The following NXPE1 variants were observed in gnomAD, a reference collection of about 807,000 sequenced individuals.
The protein encoded by NXPE1 is neurexophilin and PC-esterase domain family member 1.
A neutral mutation model predicts 33.3 loss-of-function variants in NXPE1; 31 were observed. That is an observed-to-expected ratio of 0.93 (90% CI 0.70 to 1.26). The LOEUF (loss-of-function observed/expected upper bound fraction) is 1.26. Among genes scored for constraint, NXPE1 ranks in the 50% most tolerant of loss-of-function variants. The pLI is 0.00. For missense variants in NXPE1, 661 were observed against 655.6 expected (o/e 1.01, Z -0.09); for synonymous variants, 229 against 231.4 (o/e 0.99, Z 0.09).
At chr11:114,534,769 T>C (rs1947732444) in intron 5 of NXPE1, among the ~76,000 whole-genome samples, 1 of 152,064 alleles carries the variant, frequency 6.6e-6, no homozygotes, top group Non-Finnish European at 1.5e-5. Context: ...ATCCAAGAAA[T>C]ATGGGACTAT....
chr11:114,528,365 T>G (rs2134943933), intron 6 of NXPE1, among the ~76,000 whole-genome samples: 1 of 152,282 alleles, frequency 6.6e-6, no homozygotes, highest in East Asian at 1.9e-4. Flanking sequence ...CTTACATCCC[T>G]TTATTGTCTC....
chr11:114,538,790 G>T (rs1947952076), intron 5 of NXPE1, among the ~76,000 whole-genome samples: 1 of 152,122 alleles, frequency 6.6e-6, no homozygotes, highest in African/African-American at 2.4e-5. Flanking sequence ...AACAACAGGT[G>T]CTGGAGAGGA....
chr11:114,523,727 C>G (rs1947285261), intron 7 of NXPE1, among the ~76,000 whole-genome samples: 1 of 152,122 alleles, frequency 6.6e-6, no homozygotes, highest in African/African-American at 2.4e-5. Context: ...AGGTAGGTAG[C>G]AGTGAAGCAA....
At chr11:114,539,213 C>T (rs1008438057) in intron 5 of NXPE1, among the ~76,000 whole-genome samples, 74 of 146,466 alleles carry the variant, frequency 5.1e-4, no homozygotes, top group African/African-American at 1.6e-3. Flanking sequence ...TGTTCTCACT[C>T]ATAGGTGGGA....
In NXPE1 at chr11:114,524,409, T is replaced by C. The variant is rs144961932; in HGVS notation, c.896-1318A>G. ...CCTATGTCCACAGAATAGTGCATCATTACATGGTTGTATTGTATTTGTAAC... is the reference window on the plus strand; with the variant it reads ...CCTATGTCCACAGAATAGTGCATCACTACATGGTTGTATTGTATTTGTAAC... On this transcript the variant is annotated intron_variant, in intron 7 of 8. Transcript: ENST00000534921. Among the ~76,000 whole-genome samples, 460 of 152,336 alleles carry C rather than the reference T, an allele frequency of 3.0e-3. 1 individual carries two copies. Among genetic ancestry groups the C allele is most frequent in the African/African-American group, 0.011 (438 of 41,584 alleles).
chr11:114,528,827 G>A (rs1464955166), intron 6 of NXPE1: 9 of 678,556 alleles, frequency 1.3e-5, no homozygotes, highest in Non-Finnish European at 2.2e-5. Context: ...CTCTCCAGGT[G>A]CCATCCTGAG....
intron 1 of NXPE1, among the ~76,000 whole-genome samples, chr11:114,553,473 G>A (rs1948571952): frequency 1.3e-5 from 2 of 152,162 alleles, no homozygotes; most frequent in Admixed American, 1.3e-4. Context: ...TTTGAGAGTG[G>A]CCAGAGAGCT....
intron 6 of NXPE1, chr11:114,529,198 G>A (rs529191507): frequency 3.5e-4 from 61 of 175,182 alleles, no homozygotes; most frequent in Admixed American, 5.0e-4. Context: ...ATAAATCTTC[G>A]TGGGGGAAAA....
intron 5 of NXPE1, among the ~76,000 whole-genome samples, chr11:114,548,642 CTA>C (rs1262016844): frequency 6.6e-6 from 1 of 151,816 alleles, no homozygotes; most frequent in African/African-American, 2.4e-5. Flanking sequence ...ATGTTAGAAT[CTA>C]TGAGATACAG....
chr11:114,522,367 A>T (rs776174268), exon 9 of NXPE1: 11 of 1,614,122 alleles, frequency 6.8e-6, no homozygotes, highest in South Asian at 1.1e-5. Context: ...TATAATCATG[A>T]TCTATCAGAG....
chr11:114,523,632 C>T (rs1481694422), intron 7 of NXPE1, among the ~76,000 whole-genome samples: 1 of 152,162 alleles, frequency 6.6e-6, no homozygotes, highest in African/African-American at 2.4e-5. Context: ...CATGCAACAT[C>T]CAATACAAAC....
chr11:114,552,165 A>G (rs1186847566), intron 2 of NXPE1, 80 bp from the exon 3 acceptor site: 1 of 152,316 alleles, frequency 6.6e-6, no homozygotes, highest in Non-Finnish European at 1.5e-5. Context: ...AGATGAAATT[A>G]TTTTAAACAA....
intron 5 of NXPE1, among the ~76,000 whole-genome samples, chr11:114,533,000 T>C (rs566622430): frequency 4.3e-4 from 66 of 152,192 alleles, no homozygotes; most frequent in Non-Finnish European, 8.2e-4. Context: ...ATAGGAAACC[T>C]TAAACATTTT....
chr11:114,546,985 T>C (rs1948304295), intron 5 of NXPE1, among the ~76,000 whole-genome samples: 1 of 152,090 alleles, frequency 6.6e-6, no homozygotes, highest in Non-Finnish European at 1.5e-5. Flanking sequence ...TAAACAAATA[T>C]GTAAGGGATA....
chr11:114,557,158 T>C (rs1351567396), intron 1 of NXPE1, among the ~76,000 whole-genome samples: 1 of 152,140 alleles, frequency 6.6e-6, no homozygotes, highest in Non-Finnish European at 1.5e-5. Flanking sequence ...CCTCCCAAAG[T>C]TCTGGGATTA....
chr11:114,530,490 T>G, exon 6 of NXPE1: 1 of 1,613,956 alleles, frequency 6.2e-7, no homozygotes, highest in Non-Finnish European at 8.5e-7. Flanking sequence ...GACCTGGCCC[T>G]CCCAGAACAG....
intron 5 of NXPE1, among the ~76,000 whole-genome samples, chr11:114,536,586 A>T (rs1429810857): frequency 6.6e-6 from 1 of 152,222 alleles, no homozygotes; most frequent in African/African-American, 2.4e-5. Context: ...GCCATAAAAA[A>T]TGACAAAGGG....
intron 1 of NXPE1, chr11:114,554,437 G>A: frequency 1.1e-6 from 1 of 947,494 alleles, no homozygotes. Flanking sequence ...TTTGTGACAT[G>A]GGCCCTTTGA....
intron 5 of NXPE1, among the ~76,000 whole-genome samples, chr11:114,547,353 A>G (rs1948316738): frequency 6.6e-6 from 1 of 152,246 alleles, no homozygotes; most frequent in Non-Finnish European, 1.5e-5. Flanking sequence ...ACTAACATGG[A>G]AGGACAGTTT....
Sources: gnomAD v4.1 joint callset for allele counts (sites outside exome capture counted in the v4.1 genomes callset) on GRCh38, gnomAD v4.1.1 for gene constraint, MANE v1.5 for transcripts, NCBI Gene and HGNC (gene_info 2026-07-23, HGNC 2026-07-21) for gene names.